The following POLK variants were observed in gnomAD, a reference collection of about 807,000 sequenced individuals.
POLK encodes the protein polymerase (DNA directed) kappa.
In POLK, 76 loss-of-function variants were observed where a neutral mutation model predicts 94.0. The ratio of observed to expected loss-of-function variants is 0.81; its 90% CI spans 0.67 to 0.98. The LOEUF (loss-of-function observed/expected upper bound fraction) is 0.98, where lower values mean the gene tolerates loss of function less well. Ranked by LOEUF, POLK falls within the 50% of genes least tolerant of loss-of-function variation. The pLI, the probability that POLK is intolerant of heterozygous loss-of-function variation, is 0.00. For synonymous variants in POLK, 349 were observed against 325.4 expected, an observed-to-expected ratio of 1.07 and a Z score of -0.78; for missense variants, 954 against 1,010.1, an observed-to-expected ratio of 0.94 and a Z score of 0.75.
chr5:75,598,105 A>C (rs1773188323), exon 15 of POLK: 2 of 575,118 alleles, frequency 3.5e-6, no homozygotes, highest in South Asian at 3.3e-5. Context: ...AAGTTTGCAG[A>C]TTTATTTAGT....
intron 2 of POLK, among the ~76,000 whole-genome samples, chr5:75,548,890 G>A (rs577293886): frequency 6.6e-5 from 10 of 152,082 alleles, no homozygotes; most frequent in South Asian, 2.1e-4. Context: ...AAAATTCCAC[G>A]ATAAAAAGTT....
At chr5:75,583,363 T>G in exon 8 of POLK, 1 of 1,605,920 alleles carries the variant, frequency 6.2e-7, no homozygotes, top group Non-Finnish European at 8.5e-7. Context: ...AATACCAAAT[T>G]CTTCCCAATA....
At chr5:75,596,682 T>A in exon 13 of POLK, 1 of 1,614,024 alleles carries the variant, frequency 6.2e-7, no homozygotes, top group Non-Finnish European at 8.5e-7. Flanking sequence ...CGTGTTCACA[T>A]GTTTCTGCTA....
chr5:75,597,142 C>T (rs376216977), exon 13 of POLK: 142 of 1,606,662 alleles, frequency 8.8e-5, no homozygotes, highest in Non-Finnish European at 1.1e-4. Flanking sequence ...TAAATTTAAC[C>T]CAGTTAATCA....
chr5:75,553,646 A>G (rs1461561450), intron 3 of POLK, among the ~76,000 whole-genome samples: 1 of 152,178 alleles, frequency 6.6e-6, no homozygotes, highest in Non-Finnish European at 1.5e-5. Context: ...TTTATTTCAT[A>G]CGCAACCCTG....
Position 75,583,401 on chromosome 5 carries a change from A to G in POLK, c.1043A>G (p.Asp348Gly), listed in dbSNP as rs768146701. 32 of 1,597,636 alleles carry G rather than the reference A, an allele frequency of 2.0e-5. No individual in the cohort carries two copies. The East Asian group carries it at 6.3e-4, about 31-fold the overall frequency. The change falls in exon 8 of 15, where the codon GAT becomes GGT. Residue 348 changes from aspartate (D) to glycine (G), a missense_variant. Coordinates refer to ENST00000241436, the Ensembl canonical transcript of POLK. ...CAAGCTGTGATGGACTTCATCAAGG[A>G]TTTACCCATTAGAAAGGTAAGATTT...
intron 3 of POLK, chr5:75,568,694 A>G (rs1197853866): frequency 2.3e-6 from 1 of 441,898 alleles, no homozygotes; most frequent in Admixed American, 2.6e-5. Context: ...TCAAATTTTA[A>G]CATTATAAAA....
chr5:75,556,701 T>C (rs1420822288), intron 3 of POLK, among the ~76,000 whole-genome samples: 1 of 151,884 alleles, frequency 6.6e-6, no homozygotes, highest in Non-Finnish European at 1.5e-5. Flanking sequence ...GGAAATAACT[T>C]CATCTTTTTT....
chr5:75,593,182 A>G (rs989312949), intron 11 of POLK, among the ~76,000 whole-genome samples: 1 of 151,902 alleles, frequency 6.6e-6, no homozygotes, highest in African/African-American at 2.4e-5. Context: ...CACAGGCTGG[A>G]GTGCAATGGT....
At chr5:75,573,394 A>T (rs1028584027) in intron 4 of POLK, among the ~76,000 whole-genome samples, 1 of 152,166 alleles carries the variant, frequency 6.6e-6, no homozygotes, top group Non-Finnish European at 1.5e-5. Flanking sequence ...GGATAGCATT[A>T]GGAGATATAC....
intron 6 of POLK, 51 bp from the exon 7 acceptor site, chr5:75,581,158 A>G: frequency 1.5e-6 from 2 of 1,295,500 alleles, no homozygotes; most frequent in South Asian, 1.3e-5. Flanking sequence ...TAACTTATGA[A>G]GTATATACTT....
intron 1 of POLK, among the ~76,000 whole-genome samples, chr5:75,515,245 A>G (rs1422554297): frequency 6.6e-6 from 1 of 152,148 alleles, no homozygotes; most frequent in African/African-American, 2.4e-5. Flanking sequence ...TATTTTTTGT[A>G]TTTTTGGTCA....
chr5:75,540,923 GT>G (rs1397085186), intron 1 of POLK, among the ~76,000 whole-genome samples: 1 of 152,100 alleles, frequency 6.6e-6, no homozygotes, highest in African/African-American at 2.4e-5. Flanking sequence ...CTGAGTTAAA[GT>G]TTTCATTGTT....
chr5:75,590,074 T>A (rs1772698755), intron 10 of POLK, among the ~76,000 whole-genome samples: 1 of 152,226 alleles, frequency 6.6e-6, no homozygotes, highest in Non-Finnish European at 1.5e-5. Context: ...CATTATCTGT[T>A]GGTAATTTTA....
chr5:75,559,259 G>A (rs773667094), intron 3 of POLK, among the ~76,000 whole-genome samples: 1 of 152,064 alleles, frequency 6.6e-6, no homozygotes, highest in African/African-American at 2.4e-5. Context: ...ATTGCTAGTC[G>A]AGCTGAGGTA....
At chr5:75,573,418 A>G (rs1771703829) in intron 4 of POLK, among the ~76,000 whole-genome samples, 1 of 152,156 alleles carries the variant, frequency 6.6e-6, no homozygotes, top group African/African-American at 2.4e-5. Flanking sequence ...ATATTAAATG[A>G]CGAGTTAATG....
At chr5:75,536,439 G>T (rs1032261142) in intron 1 of POLK, among the ~76,000 whole-genome samples, 2 of 152,188 alleles carry the variant, frequency 1.3e-5, no homozygotes, top group African/African-American at 4.8e-5. Context: ...CGTAGATGTG[G>T]CCCATCTGGC....
At chr5:75,555,242 C>T (rs1770561306) in intron 3 of POLK, among the ~76,000 whole-genome samples, 3 of 152,112 alleles carry the variant, frequency 2.0e-5, no homozygotes, top group Admixed American at 2.0e-4. Context: ...GTGCATCCAC[C>T]ATTATAGTAT....
intron 4 of POLK, among the ~76,000 whole-genome samples, chr5:75,571,841 G>C: frequency 6.6e-6 from 1 of 152,140 alleles, no homozygotes; most frequent in Middle Eastern, 3.2e-3. Flanking sequence ...CTAAAAGTTA[G>C]AGAAATTCTT....
Sources: allele counts gnomAD v4.1 joint callset (sites outside exome capture counted in the v4.1 genomes callset), GRCh38; gene constraint gnomAD v4.1.1; transcripts MANE v1.5; gene names NCBI Gene and HGNC (gene_info 2026-07-23, HGNC 2026-07-21).